Variants in SCN8A observed in about 807,000 individuals in gnomAD.
The protein encoded by SCN8A is sodium voltage-gated channel alpha subunit 8.
In SCN8A, 30 loss-of-function variants were observed where a neutral mutation model predicts 184.1. The ratio of observed to expected loss-of-function variants is 0.16; its 90% CI spans 0.12 to 0.22. SCN8A has a LOEUF of 0.22. SCN8A is among the 10% of genes least tolerant of loss of function. The pLI is 1.00. For missense variants in SCN8A, 1,057 were observed against 2,498.9 expected (o/e 0.42, Z 12.30); for synonymous variants, 852 against 907.0 (o/e 0.94, Z 1.09).
intron 1 of SCN8A, among the ~76,000 whole-genome samples, chr12:51,645,515 G>A (rs943019077): frequency 6.6e-6 from 1 of 152,102 alleles, no homozygotes; most frequent in African/African-American, 2.4e-5. Flanking sequence ...GAATAGAAAG[G>A]GGGGAAAGGT....
chr12:51,676,969 G>A (rs992044150), intron 2 of SCN8A, among the ~76,000 whole-genome samples: 5 of 152,028 alleles, frequency 3.3e-5, no homozygotes, highest in East Asian at 1.9e-4. Context: ...TCTCGAAGAA[G>A]CTTTCTCTTC....
intron 14 of SCN8A, among the ~76,000 whole-genome samples, chr12:51,759,107 G>T (rs919515643): frequency 6.6e-6 from 1 of 151,832 alleles, no homozygotes; most frequent in East Asian, 1.9e-4. Context: ...GATTATAATG[G>T]AACATATATA....
chr12:51,734,060 C>T (rs1942284651), intron 12 of SCN8A, among the ~76,000 whole-genome samples: 1 of 152,078 alleles, frequency 6.6e-6, no homozygotes, highest in South Asian at 2.1e-4. Context: ...TTTCTTCATT[C>T]CACATTCATT....
At chr12:51,618,763 A>G (rs770694114) in intron 1 of SCN8A, among the ~76,000 whole-genome samples, 3 of 152,100 alleles carry the variant, frequency 2.0e-5, no homozygotes, top group Non-Finnish European at 4.4e-5. Context: ...GGTGGCTTTG[A>G]GGCAGGTTCT....
chr12:51,715,969 A>G lies in SCN8A; in HGVS notation c.1636-5577A>G, dbSNP rs564514943. 5.3e-5 allele frequency among the ~76,000 whole-genome samples: 8 copies of G among 152,316 alleles called. No individual in the cohort carries two copies. In the South Asian group the frequency reaches 1.4e-3, roughly 28 times the overall value. On this transcript the variant is annotated intron_variant, in intron 11 of 26. Coordinates refer to ENST00000627620, the MANE Select transcript of SCN8A (RefSeq NM_001330260.2). Reference sequence around the variant, plus strand: ...GGGAGATATAAGGATGAATCAGTCAATGTGCCCTTAAGGAGTTTGTAGTTG... The same window carrying G: ...GGGAGATATAAGGATGAATCAGTCAGTGTGCCCTTAAGGAGTTTGTAGTTG...
rs772626660 is a variant in SCN8A at position 51,770,501 on chromosome 12, T to C, written c.3491-28T>C. 1.9e-6 allele frequency: 3 copies of C among 1,548,638 alleles called. No individual in the cohort carries two copies. The South Asian group carries it at 3.7e-5, about 19-fold the overall frequency. On this transcript the variant is annotated intron_variant, in intron 18 of 26. Coordinates refer to ENST00000627620, the MANE Select transcript of SCN8A (RefSeq NM_001330260.2). Reference sequence around the variant, plus strand: ...GTCTGGGCGGGGCACGTTTCCACGGTCTGACCCGCCTCTCCCGCTGGTGCC... The same window carrying C: ...GTCTGGGCGGGGCACGTTTCCACGGCCTGACCCGCCTCTCCCGCTGGTGCC...
At chr12:51,747,253 T>TA (rs1942527744) in intron 13 of SCN8A, among the ~76,000 whole-genome samples, 1 of 152,062 alleles carries the variant, frequency 6.6e-6, no homozygotes, top group South Asian at 2.1e-4. Flanking sequence ...ATATCTCAAG[T>TA]AAAAAAATGA....
chr12:51,668,219 A>G (rs1454804174), intron 2 of SCN8A, among the ~76,000 whole-genome samples: 1 of 151,968 alleles, frequency 6.6e-6, no homozygotes, highest in African/African-American at 2.4e-5. Flanking sequence ...AGCTTCCTAA[A>G]GTTCAGTTTA....
intron 1 of SCN8A, among the ~76,000 whole-genome samples, chr12:51,592,396 T>C (rs1257103240): frequency 6.6e-6 from 1 of 152,026 alleles, no homozygotes; most frequent in African/African-American, 2.4e-5. Flanking sequence ...GAACCATTTT[T>C]CAGCCCGATA....
Position 51,788,745 on chromosome 12 carries a change from G to A in SCN8A, c.4278G>A (p.Arg1426=), listed in dbSNP as rs143867796. 505 of 1,609,244 alleles carry A rather than the reference G, an allele frequency of 3.1e-4. 1 individual carries two copies. In the African/African-American group the frequency reaches 6.2e-3, roughly 20 times the overall value. ...TCATGTATGCAGCTGTAGATTCCCG[G>A]AAGGTAAGGATGTACATGGCGAAAA... ...MDIMYAAVDS[R]KPDEQPKYED... Residue 1426 remains arginine, a synonymous_variant, in exon 23 of 27, where the codon CGG becomes CGA. Transcript: ENST00000627620.
At position 51,806,451 on chromosome 12, in the gene SCN8A, C is replaced by T; in HGVS notation, c.4965C>T (p.Gly1655=). 1.2e-6 allele frequency: 2 copies of T among 1,614,226 alleles called. No homozygotes were observed. Among genetic ancestry groups the T allele is most frequent in the Non-Finnish European group, 1.7e-6 (2 of 1,180,038 alleles). ...MMSLPALFNI[G]LLLFLVMFIF... ...CCTTGCCTGCCCTGTTCAACATCGG[C>T]CTTCTGCTCTTCCTGGTCATGTTCA... Residue 1655 remains glycine (G), a synonymous_variant, in exon 27 of 27, where the codon GGC becomes GGT. Coordinates refer to ENST00000627620, the MANE Select transcript of SCN8A (RefSeq NM_001330260.2). This position sits in a 1 kb window ranked among gnomAD's most constrained non-coding sequence, Gnocchi z 8.7.
chr12:51,595,219 G>T (rs371043191), intron 1 of SCN8A, among the ~76,000 whole-genome samples: 1 of 152,156 alleles, frequency 6.6e-6, no homozygotes, highest in Non-Finnish European at 1.5e-5. Context: ...TTAAGGTGTC[G>T]AAGGAAACAG....
chr12:51,751,432 C>G lies in SCN8A; in HGVS notation c.2209C>G (p.Pro737Ala). The change falls in exon 14 of 27, where the codon CCC (proline) becomes GCC (alanine). Residue 737 changes from proline to alanine, a missense_variant. Pro to Ala is a conservative substitution (Grantham distance 27). Transcript: ENST00000627620. ...CACTTTCCTCATCTGGGAGTGCCAC[C>G]CCTACTGGATAAAACTGAAAGAGAT... is the stretch of plus-strand genomic sequence containing the variant. ...ANTFLIWECHPYWIKLKEIVN... is the reference protein window; with the variant it reads ...ANTFLIWECHAYWIKLKEIVN... 6.2e-7 allele frequency: 1 copy of G among 1,613,920 alleles called. No homozygotes were observed. The highest frequency in any genetic ancestry group is 8.5e-7 in the Non-Finnish European group (1 of 1,179,864).
At chr12:51,690,069 T>C (rs1372327692) in intron 6 of SCN8A, 5 of 152,180 alleles carry the variant, frequency 3.3e-5, no homozygotes, top group African/African-American at 1.2e-4. Context: ...GTAATACTTA[T>C]CTTTCTAAAG....
At position 51,807,327 on chromosome 12, in the gene SCN8A, T is replaced by C. The variant is rs1592175176; in HGVS notation, c.5841T>C (p.Tyr1947=). 6.2e-7 allele frequency: 1 copy of C among 1,613,610 alleles called. No homozygotes were observed. The highest frequency in any genetic ancestry group is 8.5e-7 in the Non-Finnish European group (1 of 1,179,792). Residue 1947 remains tyrosine (Y), a synonymous_variant, in exon 27 of 27, where the codon TAT becomes TAC. Transcript: ENST00000627620. This position sits in a 1 kb window ranked among gnomAD's most constrained non-coding sequence, Gnocchi z 4.5. ...STPSTASLPS[Y]DSVTKPEKEK... ...CATCTACAGCCTCCCTCCCGTCCTATGACAGTGTAACTAAACCTGAAAAGG... is the reference window on the plus strand; with the variant it reads ...CATCTACAGCCTCCCTCCCGTCCTACGACAGTGTAACTAAACCTGAAAAGG...
chr12:51,721,554 C>G lies in SCN8A; in HGVS notation c.1644C>G (p.Leu548=). 1 of 1,602,762 alleles carries G rather than the reference C, an allele frequency of 6.2e-7. No homozygotes were observed. Among genetic ancestry groups the G allele is most frequent in the South Asian group, 1.1e-5 (1 of 88,522 alleles). Residue 548 remains leucine (L), a synonymous_variant, in exon 12 of 27, where the codon CTC becomes CTG. Coordinates refer to ENST00000627620, the MANE Select transcript of SCN8A (RefSeq NM_001330260.2). The part of the protein sequence containing the change: ...RKFSIMNQSL[L]SIPGSPFLSR... ...CCTGTCTGCCCCTGCAGTCACTGCT[C>G]AGCATCCCAGGCTCGCCCTTCCTCT...
chr12:51,774,429 T>G, intron 20 of SCN8A, 67 bp downstream of exon 20: 1 of 1,476,254 alleles, frequency 6.8e-7, no homozygotes. Context: ...TCTCTCTTTT[T>G]CTAATGGCAG....
At chr12:51,598,085 G>T (rs528324586) in intron 1 of SCN8A, among the ~76,000 whole-genome samples, 1 of 152,258 alleles carries the variant, frequency 6.6e-6, no homozygotes, top group South Asian at 2.1e-4. Flanking sequence ...ACTCTAAAGA[G>T]GCATAATGCC....
chr12:51,621,638 G>A (rs1172684171), intron 1 of SCN8A, among the ~76,000 whole-genome samples: 2 of 152,190 alleles, frequency 1.3e-5, no homozygotes, highest in African/African-American at 2.4e-5. Flanking sequence ...GGAGAGACTA[G>A]GGCAGTACAG....
Sources: gnomAD v4.1 joint callset for allele counts (sites outside exome capture counted in the v4.1 genomes callset) on GRCh38, gnomAD v4.1.1 for gene constraint, Gnocchi (gnomAD v3.1) non-coding constraint, MANE v1.5 for transcripts, NCBI Gene and HGNC (gene_info 2026-07-23, HGNC 2026-07-21) for gene names.